The following TET2 variants were observed in gnomAD, a reference collection of about 807,000 sequenced individuals.
TET2 encodes tet methylcytosine dioxygenase 2, also known as methylcytosine dioxygenase TET2.
In TET2, 299 loss-of-function variants were observed where a neutral mutation model predicts 142.9. The ratio of observed to expected loss-of-function variants is 2.09; its 90% CI spans 1.90 to 2.30. TET2 has a LOEUF of 2.30. Among genes scored for constraint, TET2 ranks in the 30% most tolerant of loss-of-function variants. TET2 has a pLI of 0.00. For missense variants in TET2, 2,418 were observed against 2,378.0 expected (o/e 1.02, Z -0.35); for synonymous variants, 819 against 849.0 (o/e 0.96, Z 0.61).
Position 105,209,079 on chromosome 4 carries a change from A to G in TET2, c.-47+18574A>G, listed in dbSNP as rs1237478802. Among the ~76,000 whole-genome samples the G allele has an allele frequency of 1.9e-3, 197 of 103,606 alleles. 6 individuals carry two copies. The highest frequency in any genetic ancestry group is 8.8e-3 in the African/African-American group (178 of 20,116). The allele number at this position is 103,606 out of a possible 152,430, so 68.0% of individuals were successfully genotyped here. A position where few individuals can be genotyped will look rare whatever the true frequency, so the allele number is the denominator to read the frequency against. ...TATATATATATATATATATATATAT[A>G]TATATATATATATATATATGTTTGA... On this transcript the variant is annotated intron_variant, in intron 2 of 10. Transcript: ENST00000380013.
intron 7 of TET2, among the ~76,000 whole-genome samples, chr4:105,261,390 G>T (rs1226910565): frequency 6.6e-6 from 1 of 151,932 alleles, no homozygotes; most frequent in East Asian, 1.9e-4. Context: ...ATTAGAAATA[G>T]ACAAATTAAG....
rs140683148 is a variant in TET2, at chr4:105,179,901, T to G, written c.-192-10459T>G. Among the ~76,000 whole-genome samples, 1,021 of 152,354 alleles carry G rather than the reference T, an allele frequency of 6.7e-3. 5 individuals are homozygous for G. Among genetic ancestry groups the G allele is most frequent in the Non-Finnish European group, 0.011 (749 of 68,028 alleles). ...CACTATTAGGTTCTGGAGTATTACT[T>G]GTCATGCCCAAGAGGAAAGTTTTTC... On this transcript the variant is annotated intron_variant, in intron 1 of 10. Coordinates refer to ENST00000380013, the MANE Select transcript of TET2 (RefSeq NM_001127208.3).
intron 7 of TET2, among the ~76,000 whole-genome samples, chr4:105,261,330 G>T (rs1183624429): frequency 2.6e-5 from 4 of 152,008 alleles, no homozygotes; most frequent in Admixed American, 1.3e-4. Flanking sequence ...TCTATGGAGA[G>T]ATCATTCCAA....
chr4:105,211,281 C>T (rs1727144942), intron 2 of TET2, among the ~76,000 whole-genome samples: 1 of 152,162 alleles, frequency 6.6e-6, no homozygotes, highest in Non-Finnish European at 1.5e-5. Context: ...TCTCATCACT[C>T]AGATTTATTT....
intron 2 of TET2, among the ~76,000 whole-genome samples, chr4:105,209,370 T>G (rs1023636066): frequency 6.6e-6 from 1 of 151,950 alleles, no homozygotes; most frequent in Non-Finnish European, 1.5e-5. Flanking sequence ...AAATTTCAGT[T>G]CCAGTGTTGA....
At chr4:105,206,485 A>G (rs1473676118) in intron 2 of TET2, among the ~76,000 whole-genome samples, 1 of 152,104 alleles carries the variant, frequency 6.6e-6, no homozygotes, top group African/African-American at 2.4e-5. Flanking sequence ...ACTGCAGTCT[A>G]CCTTTGTCCT....
At chr4:105,190,985 A>C (rs1296649760) in intron 2 of TET2, among the ~76,000 whole-genome samples, 2 of 152,204 alleles carry the variant, frequency 1.3e-5, no homozygotes, top group African/African-American at 4.8e-5. Context: ...ATTTGGTGCC[A>C]TAGAACTAGC....
rs1731144595 is a variant in TET2, at chr4:105,275,182, A to G, written c.4672A>G (p.Asn1558Asp). ...ACATCACCCTCAGACAGAGTCTGTCAACTCTTATTCTGCTTCTGGATCCAC... is the reference window on the plus strand; with the variant it reads ...ACATCACCCTCAGACAGAGTCTGTCGACTCTTATTCTGCTTCTGGATCCAC... Reference protein sequence around the residue: ...QPHHPQTESVNSYSASGSTNP... With the variant: ...QPHHPQTESVDSYSASGSTNP... Residue 1558 changes from asparagine (N) to aspartate (D), a missense_variant, in exon 11 of 11, where the codon AAC (asparagine) becomes GAC (aspartate). Transcript: ENST00000380013. 6.4e-7 allele frequency: 1 copy of G among 1,552,240 alleles called. No individual in the cohort carries two copies. The highest frequency in any genetic ancestry group is 1.2e-5 in the South Asian group (1 of 84,058).
chr4:105,197,063 G>A (rs776966852), intron 2 of TET2, among the ~76,000 whole-genome samples: 9 of 152,182 alleles, frequency 5.9e-5, no homozygotes, highest in East Asian at 1.9e-4. Flanking sequence ...ACATTATATC[G>A]GAGCTTGAAC....
At chr4:105,231,688 T>C (rs1395444003) in intron 2 of TET2, among the ~76,000 whole-genome samples, 2 of 152,240 alleles carry the variant, frequency 1.3e-5, no homozygotes, top group East Asian at 3.8e-4. Flanking sequence ...GCTGTTTTAA[T>C]AGAGTTGTTT....
At chr4:105,209,927 A>G (rs1578625745) in intron 2 of TET2, among the ~76,000 whole-genome samples, 1 of 152,172 alleles carries the variant, frequency 6.6e-6, no homozygotes, top group Non-Finnish European at 1.5e-5. Flanking sequence ...AGCATGAGCC[A>G]TGGTAGTAAA....
chr4:105,164,538 A>C (rs1724052366), intron 1 of TET2, among the ~76,000 whole-genome samples: 1 of 152,270 alleles, frequency 6.6e-6, no homozygotes, highest in Admixed American at 6.5e-5. Context: ...TCTATGTATC[A>C]GGCAAGAAGA....
At chr4:105,250,060 G>T (rs919399220) in intron 6 of TET2, among the ~76,000 whole-genome samples, 1 of 152,152 alleles carries the variant, frequency 6.6e-6, no homozygotes, top group African/African-American at 2.4e-5. Flanking sequence ...TTTAATTAAT[G>T]TTGAGTTAAT....
At chr4:105,157,526 G>C (rs187718832) in intron 1 of TET2, among the ~76,000 whole-genome samples, 1 of 152,136 alleles carries the variant, frequency 6.6e-6, no homozygotes, top group Non-Finnish European at 1.5e-5. Flanking sequence ...CATTACGCTT[G>C]TGGAAAAACA....
intron 2 of TET2, among the ~76,000 whole-genome samples, chr4:105,210,976 G>A (rs1727123374): frequency 6.6e-6 from 1 of 152,078 alleles, no homozygotes; most frequent in East Asian, 1.9e-4. Context: ...CTTCCCACTG[G>A]ATTTAAATAA....
chr4:105,222,562 G>A lies in TET2; in HGVS notation c.-46-11335G>A, dbSNP rs186815939. On this transcript the variant is annotated intron_variant, in intron 2 of 10. Transcript: ENST00000380013. ...GCTTCGCCCACTTTTTGATGGGATT[G>A]TTTGTTTTTTTCTTGTAAATTTGTT... 2.2e-3 allele frequency among the ~76,000 whole-genome samples: 334 copies of A among 152,216 alleles called. 2 individuals carry two copies. Among genetic ancestry groups the A allele is most frequent in the African/African-American group, 7.6e-3 (315 of 41,534 alleles).
At position 105,234,357 on chromosome 4, in the gene TET2, C is replaced by T. The variant is rs933094169; in HGVS notation, c.415C>T (p.Pro139Ser). Residue 139 changes from proline to serine, a missense_variant, in exon 3 of 11, where the codon CCA becomes TCA. Coordinates refer to ENST00000380013, the MANE Select transcript of TET2 (RefSeq NM_001127208.3). ...QERNPGESSQPNVSDLSDKKE... is the reference protein window; with the variant it reads ...QERNPGESSQSNVSDLSDKKE... ...AAGAAATCCAGGTGAAAGCAGTCAA[C>T]CAAATGTCTCCGATTTGAGTGATAA... 1.9e-6 allele frequency: 3 copies of T among 1,614,042 alleles called. No individual in the cohort carries two copies. The highest frequency in any genetic ancestry group is 2.7e-5 in the African/African-American group (2 of 75,048).
intron 9 of TET2, among the ~76,000 whole-genome samples, chr4:105,271,445 AG>A (rs140362158): frequency 0.12 from 18,062 of 152,244 alleles, 1,233 homozygotes; most frequent in Non-Finnish European, 0.16. Flanking sequence ...TTTAGAATCA[AG>A]AAGAATTTGC....
chr4:105,159,064 G>GACAC, intron 1 of TET2, among the ~76,000 whole-genome samples: 1 of 152,120 alleles, frequency 6.6e-6, no homozygotes, highest in East Asian at 1.9e-4. Flanking sequence ...AGTAAGCTTT[G>GACAC]AGTGTCTGTG....
Sources: allele counts gnomAD v4.1 joint callset (sites outside exome capture counted in the v4.1 genomes callset), GRCh38; gene constraint gnomAD v4.1.1; transcripts MANE v1.5; gene names NCBI Gene and HGNC (gene_info 2026-07-23, HGNC 2026-07-21).